Variants in PRKAG2 observed in about 807,000 individuals in gnomAD.
The protein encoded by PRKAG2 is 5'-AMP-activated protein kinase subunit gamma-2.
PRKAG2 carries 26 observed loss-of-function variants against 69.6 expected under a neutral mutation model. The ratio of observed to expected loss-of-function variants is 0.37; its 90% confidence interval spans 0.27 to 0.52. PRKAG2 has a LOEUF of 0.52. PRKAG2 is among the 20% of genes least tolerant of loss of function. The probability of loss-of-function intolerance (pLI) is 0.90; values close to 1 mark genes in which losing one functional copy is unlikely to be tolerated. For missense variants in PRKAG2, 557 were observed against 740.0 expected (o/e 0.75, Z 2.87); for synonymous variants, 293 against 285.0 (o/e 1.03, Z -0.28).
intron 1 of PRKAG2, among the ~76,000 whole-genome samples, chr7:151,840,310 G>T (rs2079246041): frequency 6.6e-6 from 1 of 152,112 alleles, no homozygotes; most frequent in Non-Finnish European, 1.5e-5. Flanking sequence ...GGTTCCCCAG[G>T]CTGCCTGTGT....
rs1029317465 is a variant in PRKAG2, at chr7:151,814,288, A to G, written c.115-27747T>C. 4.3e-5 allele frequency: 25 copies of G among 585,818 alleles called. No individual in the cohort carries two copies. The highest frequency in any genetic ancestry group is 5.8e-5 in the African/African-American group (3 of 51,290). The allele number at this position is 585,818 out of a possible 1,614,324, so 36.3% of individuals were successfully genotyped here. A position where few individuals can be genotyped will look rare whatever the true frequency, so the allele number is the denominator to read the frequency against. On this transcript the variant is annotated intron_variant, in intron 1 of 15. Coordinates refer to ENST00000287878, the MANE Select transcript of PRKAG2 (RefSeq NM_016203.4). The surrounding 1 kb of genome is among the most constrained non-coding windows in gnomAD (Gnocchi z 4.8). ...CTGATTTAATAAGAGGCTCTTGGAGAACAAAGCCACAATTCAGCATCAGTC... is the reference window on the plus strand; with the variant it reads ...CTGATTTAATAAGAGGCTCTTGGAGGACAAAGCCACAATTCAGCATCAGTC...
intron 1 of PRKAG2, chr7:151,809,426 C>T (rs1004247671): frequency 7.3e-5 from 26 of 356,880 alleles, no homozygotes; most frequent in South Asian, 3.9e-4. Context: ...CTCCGGCAGG[C>T]GCTCGCTGTG....
At chr7:151,779,333 C>T (rs896649892) in intron 3 of PRKAG2, among the ~76,000 whole-genome samples, 8 of 152,226 alleles carry the variant, frequency 5.3e-5, no homozygotes, top group African/African-American at 1.7e-4. Context: ...TCCTGCACCT[C>T]CTGGTGCCAC....
At chr7:151,568,034 T>TA (rs1377948506) in intron 11 of PRKAG2, among the ~76,000 whole-genome samples, 1 of 152,232 alleles carries the variant, frequency 6.6e-6, no homozygotes, top group East Asian at 1.9e-4. Flanking sequence ...ACTGATTACT[T>TA]ACAACCTCAA....
intron 3 of PRKAG2, among the ~76,000 whole-genome samples, chr7:151,778,499 CA>C (rs899225188): frequency 1.1e-4 from 17 of 152,158 alleles, no homozygotes; most frequent in African/African-American, 3.6e-4. Flanking sequence ...AATGGAGCAA[CA>C]CCGCCTCCCA....
At chr7:151,832,235 A>G (rs552409278) in intron 1 of PRKAG2, among the ~76,000 whole-genome samples, 3,296 of 105,680 alleles carry the variant, frequency 0.031, 169 homozygotes, top group African/African-American at 0.13. Flanking sequence ...AGGGAAGGAG[A>G]GGAGGAGGGA....
chr7:151,835,698 C>A lies in PRKAG2; in HGVS notation c.114+40809G>T, dbSNP rs74899615. ...TGGACAGACACACAAGGAGACTGAC[C>A]CAGGTCCTGTTGCAGGACAGTCACC... On this transcript the variant is annotated intron_variant, in intron 1 of 15. Coordinates refer to ENST00000287878, the MANE Select transcript of PRKAG2 (RefSeq NM_016203.4). This position sits in a 1 kb window ranked among gnomAD's most constrained non-coding sequence, Gnocchi z 4.1. Among the ~76,000 whole-genome samples the A allele has an allele frequency of 1.3e-3, 202 of 152,250 alleles. 4 individuals carry two copies. The East Asian group carries it at 0.032, about 24-fold the overall frequency.
At chr7:151,691,248 T>C (rs1835614229) in intron 3 of PRKAG2, among the ~76,000 whole-genome samples, 1 of 152,230 alleles carries the variant, frequency 6.6e-6, no homozygotes, top group Non-Finnish European at 1.5e-5. Flanking sequence ...GGAAATGCTA[T>C]GCAAGTAATT....
intron 3 of PRKAG2, among the ~76,000 whole-genome samples, chr7:151,772,039 A>G (rs1199628051): frequency 6.6e-6 from 1 of 152,256 alleles, no homozygotes; most frequent in Non-Finnish European, 1.5e-5. Context: ...CTGTCCTCAG[A>G]CAGTTTACAC....
At chr7:151,564,308 A>G in intron 13 of PRKAG2, 84 bp from the exon 14 acceptor site, 1 of 1,487,580 alleles carries the variant, frequency 6.7e-7, no homozygotes, top group South Asian at 1.1e-5. Context: ...AGAGAGCCTG[A>G]TTTCTAAAAA....
At chr7:151,586,794 G>A (rs1363262787) in intron 6 of PRKAG2, among the ~76,000 whole-genome samples, 1 of 152,082 alleles carries the variant, frequency 6.6e-6, no homozygotes, top group Non-Finnish European at 1.5e-5. Context: ...ATAATCAAGC[G>A]CCCCTTCCCT....
At chr7:151,808,591 T>A (rs1586629902) in intron 1 of PRKAG2, among the ~76,000 whole-genome samples, 1 of 86,108 alleles carries the variant, frequency 1.2e-5, no homozygotes, top group Non-Finnish European at 2.6e-5. Context: ...GTGCAGGTTG[T>A]TGGGGGGGCT....
At chr7:151,782,596 T>C (rs973059630) in intron 2 of PRKAG2, among the ~76,000 whole-genome samples, 2 of 152,114 alleles carry the variant, frequency 1.3e-5, no homozygotes, top group Non-Finnish European at 2.9e-5. Context: ...CCCGCAGCCG[T>C]GTTCCTGCTG....
Position 151,777,983 on chromosome 7 carries a change from G to T in PRKAG2, c.466+3169C>A, listed in dbSNP as rs2076471753. 6.6e-6 allele frequency among the ~76,000 whole-genome samples: 1 copy of T among 152,132 alleles called. No individual in the cohort carries two copies. The highest frequency in any genetic ancestry group is 1.5e-5 in the Non-Finnish European group (1 of 68,030). On this transcript the variant is annotated intron_variant, in intron 3 of 15. Coordinates refer to ENST00000287878, the MANE Select transcript of PRKAG2 (RefSeq NM_016203.4). The surrounding 1 kb of genome is among the most constrained non-coding windows in gnomAD (Gnocchi z 4.3). ...ACTTCCCCAGTTGCTCCTGTAGATAGTATCACTATTTAACACCTAAGATTG... is the reference window on the plus strand; with the variant it reads ...ACTTCCCCAGTTGCTCCTGTAGATATTATCACTATTTAACACCTAAGATTG...
At chr7:151,595,922 A>C (rs191589210) in intron 5 of PRKAG2, among the ~76,000 whole-genome samples, 1 of 152,196 alleles carries the variant, frequency 6.6e-6, no homozygotes, top group Admixed American at 6.5e-5. Context: ...GTAATCCCAG[A>C]ACTCTGGGAG....
At chr7:151,819,210 C>A (rs1487129635) in intron 1 of PRKAG2, among the ~76,000 whole-genome samples, 2 of 152,220 alleles carry the variant, frequency 1.3e-5, no homozygotes, top group African/African-American at 2.4e-5. Context: ...GCTGCATCTG[C>A]TGTTAGCTAG....
At chr7:151,651,356 C>T (rs1046027745) in intron 4 of PRKAG2, among the ~76,000 whole-genome samples, 1 of 152,164 alleles carries the variant, frequency 6.6e-6, no homozygotes, top group Non-Finnish European at 1.5e-5. Flanking sequence ...CCTGTAATCC[C>T]AGCACTTTGG....
At position 151,814,173 on chromosome 7, in the gene PRKAG2, T is replaced by C. The variant is rs1224160980; in HGVS notation, c.115-27632A>G. On this transcript the variant is annotated intron_variant, in intron 1 of 15. Coordinates refer to ENST00000287878, the MANE Select transcript of PRKAG2 (RefSeq NM_016203.4). This position sits in a 1 kb window ranked among gnomAD's most constrained non-coding sequence, Gnocchi z 4.8. The stretch of plus-strand genomic sequence containing the variant: ...ACACACATACCACCTTCACTAGTGA[T>C]GCTCTTTAAATCACCAAGAAAAAGT... 1.3e-5 allele frequency among the ~76,000 whole-genome samples: 2 copies of C among 152,150 alleles called. No individual in the cohort carries two copies. The highest frequency in any genetic ancestry group is 4.8e-5 in the African/African-American group (2 of 41,430).
chr7:151,603,772 C>A (rs1816811735), intron 5 of PRKAG2, among the ~76,000 whole-genome samples: 1 of 152,202 alleles, frequency 6.6e-6, no homozygotes, highest in Non-Finnish European at 1.5e-5. Flanking sequence ...AGTAGAGGTA[C>A]TCTTTCCCTC....
Sources: gnomAD v4.1 joint callset for allele counts (sites outside exome capture counted in the v4.1 genomes callset) on GRCh38, gnomAD v4.1.1 for gene constraint, Gnocchi (gnomAD v3.1) non-coding constraint, MANE v1.5 for transcripts, NCBI Gene and HGNC (gene_info 2026-07-23, HGNC 2026-07-21) for gene names.